Variants in DLG2 observed in about 807,000 individuals in gnomAD.
DLG2 encodes discs large MAGUK scaffold protein 2.
DLG2 carries 45 observed loss-of-function variants against 132.5 expected under a neutral mutation model. The observed-to-expected ratio is 0.34, with a 90% CI of 0.27 to 0.44. The LOEUF is 0.44. DLG2 is among the 20% of genes least tolerant of loss of function. DLG2 has a pLI of 1.00. For missense variants in DLG2, 1,045 were observed against 1,196.9 expected, an observed-to-expected ratio of 0.87 and a Z score of 1.87; for synonymous variants, 424 against 419.6, an observed-to-expected ratio of 1.01 and a Z score of -0.13.
chr11:84,267,999 T>C (rs1515089), intron 7 of DLG2, among the ~76,000 whole-genome samples: 119,272 of 152,126 alleles, frequency 0.78, 47,070 homozygotes, highest in Admixed American at 0.88. Flanking sequence ...ACCTTAAATA[T>C]GACCCAACTC....
intron 7 of DLG2, among the ~76,000 whole-genome samples, chr11:84,418,066 T>C (rs2098935943): frequency 2.0e-5 from 3 of 152,198 alleles, no homozygotes; most frequent in South Asian, 2.1e-4. Context: ...TAAGATAATA[T>C]GAGTTTGCTC....
At chr11:84,363,377 T>C (rs2154422966) in intron 7 of DLG2, among the ~76,000 whole-genome samples, 1 of 152,044 alleles carries the variant, frequency 6.6e-6, no homozygotes, top group East Asian at 1.9e-4. Flanking sequence ...TTCTTGTAAA[T>C]TTGTTTGAGT....
intron 15 of DLG2, among the ~76,000 whole-genome samples, chr11:83,875,658 T>C (rs1219307856): frequency 6.6e-6 from 1 of 152,148 alleles, no homozygotes; most frequent in Non-Finnish European, 1.5e-5. Flanking sequence ...TAGTTAAATA[T>C]TTTGGTTGAA....
intron 4 of DLG2, among the ~76,000 whole-genome samples, chr11:85,156,627 T>C (rs2077606670): frequency 2.0e-5 from 3 of 152,294 alleles, no homozygotes; most frequent in Non-Finnish European, 4.4e-5. Context: ...TAGATGTACA[T>C]AGTAAGGACC....
intron 3 of DLG2, among the ~76,000 whole-genome samples, chr11:85,374,664 A>G (rs565647508): frequency 6.6e-6 from 1 of 152,172 alleles, no homozygotes; most frequent in Non-Finnish European, 1.5e-5. Context: ...TTTTTAAAAT[A>G]AACTTTACTA....
chr11:84,950,396 A>T (rs1014823014), intron 6 of DLG2, among the ~76,000 whole-genome samples: 15 of 151,988 alleles, frequency 9.9e-5, no homozygotes, highest in African/African-American at 3.6e-4. Flanking sequence ...AGATCTTTTG[A>T]AAATAGATAT....
chr11:83,513,747 G>A (rs993634458), intron 21 of DLG2, among the ~76,000 whole-genome samples: 1 of 152,116 alleles, frequency 6.6e-6, no homozygotes, highest in African/African-American at 2.4e-5. Context: ...TTCTACATAT[G>A]GCTAGCCAGT....
intron 6 of DLG2, among the ~76,000 whole-genome samples, chr11:84,758,555 C>T (rs2153846611): frequency 6.6e-6 from 1 of 152,250 alleles, no homozygotes; most frequent in South Asian, 2.1e-4. Flanking sequence ...TTTTCTGATA[C>T]TGATTCATTC....
intron 6 of DLG2, among the ~76,000 whole-genome samples, chr11:84,891,172 T>C (rs1171307883): frequency 1.3e-5 from 2 of 152,144 alleles, no homozygotes; most frequent in Non-Finnish European, 2.9e-5. Context: ...AGCATTTCTC[T>C]AACAGTTTTA....
intron 3 of DLG2, among the ~76,000 whole-genome samples, chr11:85,445,062 A>G (rs183697488): frequency 8.7e-4 from 133 of 152,362 alleles, no homozygotes; most frequent in African/African-American, 3.1e-3. Flanking sequence ...TCTGGGGAAT[A>G]AAAGTGTACT....
At chr11:85,220,069 G>T (rs1041476730) in intron 4 of DLG2, among the ~76,000 whole-genome samples, 1 of 151,938 alleles carries the variant, frequency 6.6e-6, no homozygotes, top group Non-Finnish European at 1.5e-5. Context: ...ACATACTAGT[G>T]GTATGGATAT....
chr11:84,971,000 G>C (rs577217479), intron 6 of DLG2, among the ~76,000 whole-genome samples: 1 of 152,066 alleles, frequency 6.6e-6, no homozygotes, highest in East Asian at 1.9e-4. Flanking sequence ...TAAATTACTT[G>C]GGGTATAAGG....
intron 7 of DLG2, among the ~76,000 whole-genome samples, chr11:84,397,064 C>T (rs1017586404): frequency 6.6e-6 from 1 of 152,138 alleles, no homozygotes; most frequent in Non-Finnish European, 1.5e-5. Context: ...TATCTCACTT[C>T]TATCATTACA....
chr11:84,744,898 T>TAAA (rs758776805), intron 6 of DLG2, among the ~76,000 whole-genome samples: 4 of 71,814 alleles, frequency 5.6e-5, no homozygotes, highest in African/African-American at 1.4e-4. Context: ...AGTAAAGGTC[T>TAAA]AAAAAAAAAA....
At chr11:84,300,533 C>T in intron 7 of DLG2, among the ~76,000 whole-genome samples, 1 of 152,146 alleles carries the variant, frequency 6.6e-6, no homozygotes, top group East Asian at 1.9e-4. Context: ...GAACTACTTT[C>T]CTATTTGTAT....
chr11:84,968,382 G>T (rs1185877255), intron 6 of DLG2, among the ~76,000 whole-genome samples: 1 of 151,982 alleles, frequency 6.6e-6, no homozygotes, highest in Non-Finnish European at 1.5e-5. Flanking sequence ...TTAACTTTTG[G>T]GGAGTCAGAT....
At chr11:85,399,886 C>A (rs1175314009) in intron 3 of DLG2, among the ~76,000 whole-genome samples, 1 of 152,070 alleles carries the variant, frequency 6.6e-6, no homozygotes, top group African/African-American at 2.4e-5. Context: ...GACTTCATGT[C>A]TAAAACACCA....
intron 10 of DLG2, among the ~76,000 whole-genome samples, chr11:84,079,404 C>T (rs539128685): frequency 5.3e-5 from 8 of 152,168 alleles, no homozygotes; most frequent in Admixed American, 2.0e-4. Context: ...ATGCTTCAGC[C>T]TCCCAAGTAG....
chr11:84,803,254 A>T (rs2075630152), intron 6 of DLG2, among the ~76,000 whole-genome samples: 1 of 152,232 alleles, frequency 6.6e-6, no homozygotes, highest in African/African-American at 2.4e-5. Context: ...AACAGTAACC[A>T]ATAATTGTGA....
Sources: allele counts gnomAD v4.1 joint callset (sites outside exome capture counted in the v4.1 genomes callset), GRCh38; gene constraint gnomAD v4.1.1; transcripts MANE v1.5; gene names NCBI Gene and HGNC (gene_info 2026-07-23, HGNC 2026-07-21).